EHMT1: variants seen among roughly 807,000 people sequenced by gnomAD.
EHMT1 encodes euchromatic histone lysine methyltransferase 1.
In EHMT1, 15 loss-of-function variants were observed where a neutral mutation model predicts 147.2. The ratio of observed to expected loss-of-function variants is 0.10; its 90% CI spans 0.07 to 0.16. The LOEUF is 0.16. Ranked by LOEUF, EHMT1 falls within the 10% of genes least tolerant of loss-of-function variation. The pLI is 1.00. For synonymous variants in EHMT1, 795 were observed against 709.6 expected, an observed-to-expected ratio of 1.12 and a Z score of -1.91; for missense variants, 1,587 against 1,772.4, an observed-to-expected ratio of 0.90 and a Z score of 1.88.
At chr9:137,656,547 G>C (rs1938468490) in intron 1 of EHMT1, among the ~76,000 whole-genome samples, 1 of 152,188 alleles carries the variant, frequency 6.6e-6, no homozygotes, top group Non-Finnish European at 1.5e-5. Flanking sequence ...TAGAGGCACA[G>C]TGCCCATGCT....
At chr9:137,762,962 C>A in intron 10 of EHMT1, 142 bp downstream of exon 10, 2 of 1,035,616 alleles carry the variant, frequency 1.9e-6, no homozygotes, top group Non-Finnish European at 2.9e-6. Context: ...CAGAACCAAT[C>A]GAGCAGATCC....
intron 1 of EHMT1, chr9:137,667,374 T>C (rs1166959846): frequency 1.3e-5 from 2 of 152,348 alleles, no homozygotes; most frequent in East Asian, 3.9e-4. Context: ...TGTTGTACTT[T>C]TCTAGGAGCC....
intron 1 of EHMT1, among the ~76,000 whole-genome samples, chr9:137,668,931 G>C (rs1267700590): frequency 6.6e-6 from 1 of 152,160 alleles, no homozygotes; most frequent in Non-Finnish European, 1.5e-5. Context: ...CTGTCCCCCA[G>C]GCTGGAGTGC....
chr9:137,817,792 A>T, intron 24 of EHMT1: 2 of 623,630 alleles, frequency 3.2e-6, no homozygotes, highest in South Asian at 3.9e-5. Flanking sequence ...GGCGTGGTCC[A>T]GCATGGGCAG....
At chr9:137,715,847 T>C in intron 2 of EHMT1, 1 of 984,796 alleles carries the variant, frequency 1.0e-6, no homozygotes, top group Non-Finnish European at 1.2e-6. Context: ...CAAATAACAC[T>C]CCATGTTTTA....
chr9:137,642,781 G>GA (rs1462723029), intron 1 of EHMT1, among the ~76,000 whole-genome samples: 1 of 152,132 alleles, frequency 6.6e-6, no homozygotes, highest in Admixed American at 6.5e-5. Context: ...TCATATAGGA[G>GA]AAAAAACAAA....
chr9:137,827,544 G>T (rs936897778), intron 25 of EHMT1, among the ~76,000 whole-genome samples: 2 of 152,206 alleles, frequency 1.3e-5, no homozygotes, highest in Non-Finnish European at 2.9e-5. Context: ...GACCATTGCA[G>T]TGGGCACCCA....
chr9:137,709,413 G>A (rs920766536), intron 1 of EHMT1, among the ~76,000 whole-genome samples: 4 of 152,178 alleles, frequency 2.6e-5, no homozygotes, highest in African/African-American at 7.2e-5. Flanking sequence ...CTGCCTTACC[G>A]TGGTGGGGTG....
At chr9:137,660,450 T>C (rs1353050688) in intron 1 of EHMT1, among the ~76,000 whole-genome samples, 1 of 152,118 alleles carries the variant, frequency 6.6e-6, no homozygotes, top group Non-Finnish European at 1.5e-5. Context: ...ACAGTTCAAA[T>C]GTGTGGGGGT....
At chr9:137,643,376 T>G (rs1416295047) in intron 1 of EHMT1, among the ~76,000 whole-genome samples, 1 of 128,622 alleles carries the variant, frequency 7.8e-6, no homozygotes. Context: ...AGTCTCACCC[T>G]CTCGCCCAGG....
chr9:137,688,321 G>T (rs1564589607), intron 1 of EHMT1, among the ~76,000 whole-genome samples: 1 of 152,236 alleles, frequency 6.6e-6, no homozygotes, highest in African/African-American at 2.4e-5. Flanking sequence ...ATTGTGCCCA[G>T]CGTGGAACTG....
intron 7 of EHMT1, among the ~76,000 whole-genome samples, chr9:137,753,926 T>C (rs1949181667): frequency 6.6e-6 from 1 of 152,236 alleles, no homozygotes; most frequent in Non-Finnish European, 1.5e-5. Flanking sequence ...ATAAGATGGA[T>C]ACATTTCACT....
At chr9:137,756,973 T>G (rs1949423360) in intron 8 of EHMT1, among the ~76,000 whole-genome samples, 1 of 152,236 alleles carries the variant, frequency 6.6e-6, no homozygotes, top group African/African-American at 2.4e-5. Context: ...TAGTGTTCAT[T>G]TATTTCCAGT....
chr9:137,647,427 C>G (rs1267586923), intron 1 of EHMT1, among the ~76,000 whole-genome samples: 2 of 152,152 alleles, frequency 1.3e-5, no homozygotes, highest in Admixed American at 1.3e-4. Context: ...ACGCTGTCGG[C>G]TCTACCTTTA....
intron 19 of EHMT1, among the ~76,000 whole-genome samples, chr9:137,811,933 C>T (rs946124355): frequency 5.9e-5 from 9 of 152,364 alleles, no homozygotes; most frequent in Middle Eastern, 3.4e-3. Flanking sequence ...AGGGACCTGC[C>T]AGCTCAGAGT....
At chr9:137,738,148 C>T (rs968327984) in intron 4 of EHMT1, among the ~76,000 whole-genome samples, 30 of 151,352 alleles carry the variant, frequency 2.0e-4, no homozygotes, top group South Asian at 4.2e-4. Flanking sequence ...GAGCCGAGAT[C>T]GGACCACTGC....
chr9:137,652,207 G>A (rs1429349014), intron 1 of EHMT1, among the ~76,000 whole-genome samples: 3 of 152,120 alleles, frequency 2.0e-5, no homozygotes, highest in Non-Finnish European at 2.9e-5. Flanking sequence ...ACGGTGATAC[G>A]GATGATCCTG....
At chr9:137,806,999 G>GT (rs1464539957) in intron 18 of EHMT1, among the ~76,000 whole-genome samples, 1 of 152,154 alleles carries the variant, frequency 6.6e-6, no homozygotes, top group African/African-American at 2.4e-5. Flanking sequence ...CTAAGCCTTA[G>GT]TTTGTCTGTA....
chr9:137,665,055 G>A (rs1482998720), intron 1 of EHMT1: 1 of 152,074 alleles, frequency 6.6e-6, no homozygotes, highest in Non-Finnish European at 1.5e-5. Context: ...GAAAGCGTGG[G>A]GGAGTTATAG....
Sources: gnomAD v4.1 joint callset for allele counts (sites outside exome capture counted in the v4.1 genomes callset) on GRCh38, gnomAD v4.1.1 for gene constraint, MANE v1.5 for transcripts, NCBI Gene and HGNC (gene_info 2026-07-23, HGNC 2026-07-21) for gene names.